CNTN4: variants seen among roughly 807,000 people sequenced by gnomAD.
The protein encoded by CNTN4 is contactin-4.
Under a neutral mutation model 122.5 loss-of-function variants are expected in CNTN4, and 77 were observed. That is an observed-to-expected ratio of 0.63 (90% CI 0.52 to 0.76). The LOEUF is 0.76. CNTN4 is among the 30% of genes least tolerant of loss of function. CNTN4 has a pLI of 0.00. For missense variants in CNTN4, 1,256 were observed against 1,259.1 expected (o/e 1.00, Z 0.04); for synonymous variants, 512 against 447.0 (o/e 1.15, Z -1.83).
intron 13 of CNTN4, among the ~76,000 whole-genome samples, chr3:2,959,304 A>G (rs1231437544): frequency 6.6e-6 from 1 of 152,226 alleles, no homozygotes; most frequent in Non-Finnish European, 1.5e-5. Context: ...TTTTCAGAGC[A>G]AGTTTTCAGA....
chr3:2,395,965 G>A (rs1199426474), intron 3 of CNTN4, among the ~76,000 whole-genome samples: 1 of 152,064 alleles, frequency 6.6e-6, no homozygotes, highest in Non-Finnish European at 1.5e-5. Context: ...GCTCGTGTAG[G>A]AATGAGCGCA....
At chr3:2,900,551 A>C in intron 10 of CNTN4, 134 bp from the exon 11 acceptor site, 1 of 963,918 alleles carries the variant, frequency 1.0e-6, no homozygotes, top group Non-Finnish European at 1.6e-6. Flanking sequence ...ATGTCTCCCC[A>C]GTCTTGTTAT....
chr3:2,618,764 A>G (rs990193486), intron 4 of CNTN4, among the ~76,000 whole-genome samples: 3 of 152,188 alleles, frequency 2.0e-5, no homozygotes, highest in Admixed American at 1.3e-4. Flanking sequence ...AGTGAAACCT[A>G]CAATGTTTCA....
intron 3 of CNTN4, among the ~76,000 whole-genome samples, chr3:2,433,446 T>C (rs1349592276): frequency 6.6e-6 from 1 of 152,118 alleles, no homozygotes; most frequent in African/African-American, 2.4e-5. Context: ...TAGAGAAGTG[T>C]CTATTTAGGT....
At chr3:2,825,531 G>T (rs9868042) in intron 7 of CNTN4, among the ~76,000 whole-genome samples, 51,155 of 151,870 alleles carry the variant, frequency 0.34, 10,407 homozygotes, top group African/African-American at 0.57. Flanking sequence ...CTAAAAAAAT[G>T]TTTAAAAATT....
chr3:2,302,962 C>G (rs989194776), intron 2 of CNTN4, among the ~76,000 whole-genome samples: 6 of 152,156 alleles, frequency 3.9e-5, no homozygotes, highest in African/African-American at 1.4e-4. Flanking sequence ...GTGGAGCCAC[C>G]CTGGAAGAAG....
At chr3:2,139,109 G>T (rs2034854663) in intron 2 of CNTN4, among the ~76,000 whole-genome samples, 1 of 152,170 alleles carries the variant, frequency 6.6e-6, no homozygotes, top group Admixed American at 6.5e-5. Context: ...TAATGAATCA[G>T]GAGAGCCAGT....
intron 14 of CNTN4, among the ~76,000 whole-genome samples, chr3:3,025,604 T>A (rs989198017): frequency 2.6e-5 from 4 of 152,188 alleles, no homozygotes; most frequent in African/African-American, 9.6e-5. Context: ...AGGATTTGTT[T>A]TTCTATTCCT....
intron 2 of CNTN4, among the ~76,000 whole-genome samples, chr3:2,141,538 T>C (rs1032198603): frequency 2.6e-5 from 4 of 152,166 alleles, no homozygotes; most frequent in African/African-American, 7.2e-5. Flanking sequence ...TTTCCAGAAC[T>C]GTAAGATAGT....
intron 2 of CNTN4, among the ~76,000 whole-genome samples, chr3:2,273,515 G>C (rs189427515): frequency 6.6e-6 from 1 of 152,268 alleles, no homozygotes; most frequent in Non-Finnish European, 1.5e-5. Flanking sequence ...CAACTTCCAT[G>C]ACTGATGAGC....
chr3:2,564,548 A>T (rs564659774), intron 3 of CNTN4, among the ~76,000 whole-genome samples: 2 of 152,276 alleles, frequency 1.3e-5, no homozygotes, highest in South Asian at 4.1e-4. Context: ...AGAATAATGT[A>T]ATTCAAAGTT....
chr3:2,525,273 T>C (rs1270184696), intron 3 of CNTN4, among the ~76,000 whole-genome samples: 1 of 152,092 alleles, frequency 6.6e-6, no homozygotes, highest in Non-Finnish European at 1.5e-5. Context: ...CAATTGAAAA[T>C]AGGCTAGAAA....
intron 2 of CNTN4, among the ~76,000 whole-genome samples, chr3:2,244,239 C>G (rs1329950976): frequency 2.0e-5 from 3 of 151,936 alleles, no homozygotes; most frequent in Non-Finnish European, 4.4e-5. Flanking sequence ...AATGTGGTTT[C>G]TCTCTCTGTG....
chr3:2,180,636 T>G (rs2036973608), intron 2 of CNTN4, among the ~76,000 whole-genome samples: 2 of 152,082 alleles, frequency 1.3e-5, no homozygotes, highest in Non-Finnish European at 2.9e-5. Context: ...CTTGAATTAG[T>G]CTCTCCTGAA....
intron 4 of CNTN4, among the ~76,000 whole-genome samples, chr3:2,618,077 A>G (rs1040120088): frequency 6.6e-6 from 1 of 152,148 alleles, no homozygotes; most frequent in Non-Finnish European, 1.5e-5. Context: ...AGTGCCTTAA[A>G]CACTGTATAT....
At chr3:2,114,619 C>G (rs1238076837) in intron 2 of CNTN4, among the ~76,000 whole-genome samples, 1 of 152,092 alleles carries the variant, frequency 6.6e-6, no homozygotes, top group African/African-American at 2.4e-5. Context: ...GTTTCATAGA[C>G]TAGAATGTGA....
chr3:2,646,027 G>A (rs574880431), intron 4 of CNTN4, among the ~76,000 whole-genome samples: 1 of 152,252 alleles, frequency 6.6e-6, no homozygotes, highest in East Asian at 1.9e-4. Flanking sequence ...ATACACCAGA[G>A]CTTAGTATTT....
At chr3:2,379,719 A>C (rs2045946798) in intron 3 of CNTN4, among the ~76,000 whole-genome samples, 1 of 152,126 alleles carries the variant, frequency 6.6e-6, no homozygotes, top group African/African-American at 2.4e-5. Context: ...AACCTCTCAA[A>C]GTGACAGTTT....
chr3:2,525,048 A>G (rs2077352114), intron 3 of CNTN4, among the ~76,000 whole-genome samples: 1 of 152,110 alleles, frequency 6.6e-6, no homozygotes, highest in Admixed American at 6.6e-5. Flanking sequence ...TTTAGAGCCT[A>G]TCCAAGTTGG....
Sources: allele counts gnomAD v4.1 joint callset (sites outside exome capture counted in the v4.1 genomes callset), GRCh38; gene constraint gnomAD v4.1.1; transcripts MANE v1.5; gene names NCBI Gene and HGNC (gene_info 2026-07-23, HGNC 2026-07-21).